The following ZNF250 variants were observed in gnomAD, a reference collection of about 807,000 sequenced individuals.
ZNF250 encodes the protein zinc finger protein 250, also known as zinc finger protein (clone 647).
ZNF250 carries 13 observed loss-of-function variants against 37.1 expected under a neutral mutation model. The observed-to-expected ratio is 0.35, with a 90% CI of 0.23 to 0.56. ZNF250 has a LOEUF of 0.56. Among genes scored for constraint, ZNF250 ranks in the 20% least tolerant of loss-of-function variants. The pLI, the probability that ZNF250 is intolerant of heterozygous loss-of-function variation, is 0.87. For missense variants in ZNF250, 474 were observed against 697.9 expected (o/e 0.68, Z 3.61); for synonymous variants, 251 against 265.6 (o/e 0.94, Z 0.54).
Position 144,890,237 on chromosome 8 carries a change from G to T in ZNF250, c.42+71C>A. 1 of 1,512,638 alleles carries T rather than the reference G, an allele frequency of 6.6e-7. No individual in the cohort carries two copies. The highest frequency in any genetic ancestry group is 9.0e-7 in the Non-Finnish European group (1 of 1,108,376). The allele number at this position is 1,512,638 out of a possible 1,614,324, so 93.7% of individuals were successfully genotyped here. A position where few individuals can be genotyped will look rare whatever the true frequency, so the allele number is the denominator to read the frequency against. On this transcript the variant is annotated intron_variant, in intron 2 of 5. Coordinates refer to ENST00000417550, the MANE Select transcript of ZNF250 (RefSeq NM_001109689.4). The surrounding 1 kb of genome is among the most constrained non-coding windows in gnomAD (Gnocchi z 5.1). The stretch of plus-strand genomic sequence containing the variant: ...GGTGACGCTCTGGCTGCTCTTAGGA[G>T]CTCTACGGGGCACGGAAGGAACCAC...
intron 4 of ZNF250, among the ~76,000 whole-genome samples, chr8:144,889,139 G>A (rs1357258042): frequency 1.3e-5 from 2 of 152,234 alleles, no homozygotes; most frequent in African/African-American, 4.8e-5. Flanking sequence ...GGGCTTCTTT[G>A]TCTTGTTCTG....
chr8:144,886,840 C>T lies in ZNF250; in HGVS notation c.346G>A (p.Glu116Lys). The T allele has an allele frequency of 6.2e-7, 1 of 1,613,058 alleles. No individual in the cohort carries two copies. Among genetic ancestry groups the T allele is most frequent in the Non-Finnish European group, 8.5e-7 (1 of 1,179,236 alleles). Residue 116 changes from glutamate (E) to lysine (K), a missense_variant and splice_region_variant, in exon 5 of 6, where the codon GAA becomes AAA. By Grantham distance (56) the Glu-to-Lys change is moderately conservative. Coordinates refer to ENST00000417550, the MANE Select transcript of ZNF250 (RefSeq NM_001109689.4). ...TQQDSLSCPW[E>K]CETKGESQNT... The stretch of plus-strand genomic sequence containing the variant: ...TTAAAAAGATCAGGCATACACTTAC[C>T]CCATGGACAAGATAAACTGTCTTGT...
upstream of ZNF250, chr8:144,901,633 C>G (rs902078272): frequency 6.5e-6 from 1 of 152,704 alleles, no homozygotes; most frequent in Non-Finnish European, 1.5e-5. The surrounding 1 kb of genome is among the most constrained non-coding windows in gnomAD (Gnocchi z 5.4). Flanking sequence ...CAGGAGCCAC[C>G]GAGAGCCAGA....
At chr8:144,895,954 A>C (rs1832690691) in intron 1 of ZNF250, among the ~76,000 whole-genome samples, 1 of 148,130 alleles carries the variant, frequency 6.8e-6, no homozygotes, top group South Asian at 2.1e-4. Flanking sequence ...GGTTGCAGTG[A>C]GCCAAGATTG....
Position 144,900,498 on chromosome 8 carries a change from C to T in ZNF250, c.-55+901G>A, listed in dbSNP as rs1329557992. On this transcript the variant is annotated intron_variant, in intron 1 of 5. Transcript: ENST00000417550. Reference sequence around the variant, plus strand: ...GCCTCTTCATACACTGGCAGAGTGTCGGGGGGGATGACTTTTATATATTTC... The same window carrying T: ...GCCTCTTCATACACTGGCAGAGTGTTGGGGGGGATGACTTTTATATATTTC... Among the ~76,000 whole-genome samples, 17 of 152,166 alleles carry T rather than the reference C, an allele frequency of 1.1e-4. No individual in the cohort carries two copies. The East Asian group carries it at 3.3e-3, about 29-fold the overall frequency.
chr8:144,898,255 C>T (rs2129899858), intron 1 of ZNF250, among the ~76,000 whole-genome samples: 1 of 152,168 alleles, frequency 6.6e-6, no homozygotes, highest in Admixed American at 6.5e-5. Flanking sequence ...CAAGATCGCG[C>T]CATTGCACTC....
At chr8:144,889,872 A>G in intron 3 of ZNF250, 61 bp downstream of exon 3, 1 of 1,540,404 alleles carries the variant, frequency 6.5e-7, no homozygotes, top group Non-Finnish European at 8.7e-7. Flanking sequence ...CCGTACCCTG[A>G]GAAGCCCCCA....
At chr8:144,885,620 T>C (rs1831820322) in intron 5 of ZNF250, among the ~76,000 whole-genome samples, 1 of 152,184 alleles carries the variant, frequency 6.6e-6, no homozygotes, top group Admixed American at 6.6e-5. Flanking sequence ...TGCACCATCA[T>C]GTCTGGCTAA....
chr8:144,885,300 T>C (rs1437315598), intron 5 of ZNF250, among the ~76,000 whole-genome samples: 1 of 152,180 alleles, frequency 6.6e-6, no homozygotes, highest in Non-Finnish European at 1.5e-5. Context: ...TTTGTATTTT[T>C]AGTAGAGATG....
At chr8:144,889,384 A>G (rs1040943199) in intron 4 of ZNF250, among the ~76,000 whole-genome samples, 197 bp downstream of exon 4, 40 of 152,332 alleles carry the variant, frequency 2.6e-4, no homozygotes, top group Middle Eastern at 3.4e-3. Flanking sequence ...ATTCACTGCT[A>G]TGCTCACTTC....
Position 144,890,113 on chromosome 8 carries a change from G to C in ZNF250, c.43-54C>G. The C allele has an allele frequency of 1.3e-6, 2 of 1,590,908 alleles. No individual in the cohort carries two copies. The highest frequency in any genetic ancestry group is 1.7e-6 in the Non-Finnish European group (2 of 1,168,490). ...AACCAAATCCTGATGTCTGTGATGGGGAGTGGGTGCATGTGACATGTGACA... is the reference window on the plus strand; with the variant it reads ...AACCAAATCCTGATGTCTGTGATGGCGAGTGGGTGCATGTGACATGTGACA... On this transcript the variant is annotated intron_variant, in intron 2 of 5. Transcript: ENST00000417550. This position sits in a 1 kb window ranked among gnomAD's most constrained non-coding sequence, Gnocchi z 5.1.
Position 144,882,511 on chromosome 8 carries a change from G to A in ZNF250, c.672C>T (p.Cys224=). The A allele has an allele frequency of 6.2e-7, 1 of 1,614,098 alleles. No individual in the cohort carries two copies. The highest frequency in any genetic ancestry group is 1.1e-5 in the South Asian group (1 of 91,072). ...RIHTGEKPYV[C]SVCGKAFSQS... ...GGCTGAAGGCCTTCCCACATACACT[G>A]CACACATAGGGCTTCTCTCCAGTGT... The change falls in exon 6 of 6, where the codon TGC becomes TGT. Residue 224 remains cysteine (C), a synonymous_variant. Transcript: ENST00000417550. The surrounding 1 kb of genome is among the most constrained non-coding windows in gnomAD (Gnocchi z 5.5).
chr8:144,882,205 C>T lies in ZNF250; in HGVS notation c.978G>A (p.Arg326=), dbSNP rs756176313. The T allele has an allele frequency of 3.1e-6, 5 of 1,614,036 alleles. No homozygotes were observed. The highest frequency in any genetic ancestry group is 3.4e-6 in the Non-Finnish European group (4 of 1,179,998). The change falls in exon 6 of 6, where the codon AGG becomes AGA. Residue 326 remains arginine (R), a synonymous_variant. Coordinates refer to ENST00000417550, the MANE Select transcript of ZNF250 (RefSeq NM_001109689.4). The surrounding 1 kb of genome is among the most constrained non-coding windows in gnomAD (Gnocchi z 5.5). ...TGTGAGGCTTCTCCCCAGTGTGTAC[C>T]CTCTGGTGGCTCCGCAGAACAGTGC... ...NHSTVLRSHQ[R]VHTGEKPHRC...
chr8:144,897,541 T>G lies in ZNF250; in HGVS notation c.-55+3858A>C, dbSNP rs1386272459. Among the ~76,000 whole-genome samples the G allele has an allele frequency of 6.6e-6, 1 of 151,964 alleles. No homozygotes were observed. Among genetic ancestry groups the G allele is most frequent in the East Asian group, 1.9e-4 (1 of 5,174 alleles). ...ATCCCAGCACTTTGGGAGGCCAAGGTGGGTGGATCACCTGAGGTCAGGTGC... is the reference window on the plus strand; with the variant it reads ...ATCCCAGCACTTTGGGAGGCCAAGGGGGGTGGATCACCTGAGGTCAGGTGC... On this transcript the variant is annotated intron_variant, in intron 1 of 5. Coordinates refer to ENST00000417550, the MANE Select transcript of ZNF250 (RefSeq NM_001109689.4). This position sits in a 1 kb window ranked among gnomAD's most constrained non-coding sequence, Gnocchi z 5.2.
chr8:144,881,604 C>T lies in ZNF250; in HGVS notation c.1579G>A (p.Glu527Lys), dbSNP rs368079750. 7 of 1,613,906 alleles carry T rather than the reference C, an allele frequency of 4.3e-6. No individual in the cohort carries two copies. In the African/African-American group the frequency reaches 6.7e-5, roughly 15 times the overall value. The change falls in exon 6 of 6, where the codon GAG (glutamate) becomes AAG (lysine). Residue 527 changes from glutamate to lysine, a missense_variant. Around this residue, in one of 2 missense-constraint regions of ZNF250, gnomAD observed 282 missense variants for 470.4 expected, o/e 0.60. Transcript: ENST00000417550. Reference protein sequence around the residue: ...LIQHQRIHTGEKPYECGECGR... With the variant: ...LIQHQRIHTGKKPYECGECGR... ...CACTCCCCGCACTCATAGGGCTTCT[C>T]GCCTGTGTGGATCCGCTGGTGCTGG...
In ZNF250 at chr8:144,890,141, A is replaced by T; in HGVS notation, c.43-82T>A. The T allele has an allele frequency of 6.4e-7, 1 of 1,564,432 alleles. No individual in the cohort carries two copies. Among genetic ancestry groups the T allele is most frequent in the South Asian group, 1.2e-5 (1 of 85,718 alleles). On this transcript the variant is annotated intron_variant, in intron 2 of 5. Transcript: ENST00000417550. This position sits in a 1 kb window ranked among gnomAD's most constrained non-coding sequence, Gnocchi z 5.1. ...GTGGGTGCATGTGACATGTGACATG[A>T]GCAGTTGGCAGTGGGGGGCTCTGTG... is the stretch of plus-strand genomic sequence containing the variant.
rs993330008 is a variant in ZNF250 at position 144,877,378 on chromosome 8, A to T, written c.*4137T>A. Reference sequence around the variant, plus strand: ...TGTGAGCCATTGCACCCAGCCAAAGAGAAGTATTTAAATACCTAAAATATA... The same window carrying T: ...TGTGAGCCATTGCACCCAGCCAAAGTGAAGTATTTAAATACCTAAAATATA... On this transcript the variant is annotated 3_prime_UTR_variant, in exon 6 of 6. Coordinates refer to ENST00000417550, the MANE Select transcript of ZNF250 (RefSeq NM_001109689.4). 2.0e-5 allele frequency: 3 copies of T among 152,252 alleles called. No individual in the cohort carries two copies. Among genetic ancestry groups the T allele is most frequent in the Non-Finnish European group, 4.4e-5 (3 of 68,042 alleles). The allele number at this position is 152,252 out of a possible 1,614,324, so 9.4% of individuals were successfully genotyped here.
rs773776760 is a variant in ZNF250 at position 144,881,866 on chromosome 8, G to A, written c.1317C>T (p.Val439=). The change falls in exon 6 of 6, where the codon GTC becomes GTT. Residue 439 remains valine, a synonymous_variant. Coordinates refer to ENST00000417550, the MANE Select transcript of ZNF250 (RefSeq NM_001109689.4). ...QHSHLIQHQR[V]HTGEKPYVCG... ...ACACATAGGGCTTCTCCCCAGTGTGGACTCTCTGGTGCTGGATCAGGTGTG... is the reference window on the plus strand; with the variant it reads ...ACACATAGGGCTTCTCCCCAGTGTGAACTCTCTGGTGCTGGATCAGGTGTG... The A allele has an allele frequency of 6.2e-7, 1 of 1,609,914 alleles. No homozygotes were observed. The highest frequency in any genetic ancestry group is 2.2e-5 in the East Asian group (1 of 44,592).
At chr8:144,894,569 C>T (rs998819568) in intron 1 of ZNF250, among the ~76,000 whole-genome samples, 4 of 151,530 alleles carry the variant, frequency 2.6e-5, no homozygotes, top group Non-Finnish European at 5.9e-5. Context: ...GCAGGCCCAA[C>T]AGAGTAATCA....
Sources: allele counts gnomAD v4.1 joint callset (sites outside exome capture counted in the v4.1 genomes callset), GRCh38; gene constraint gnomAD v4.1.1; regional missense constraint gnomAD v4.1.1; non-coding constraint Gnocchi (gnomAD v3.1); transcripts MANE v1.5; gene names NCBI Gene and HGNC (gene_info 2026-07-23, HGNC 2026-07-21).